The following RO60 variants were observed in gnomAD, a reference collection of about 807,000 sequenced individuals.
RO60 encodes the protein RNA-binding protein RO60.
A neutral mutation model predicts 55.3 loss-of-function variants in RO60; 20 were observed. The observed-to-expected ratio is 0.36, with a 90% CI of 0.25 to 0.53. The LOEUF (loss-of-function observed/expected upper bound fraction) is 0.53, where lower values mean the gene tolerates loss of function less well. Ranked by LOEUF, RO60 falls within the 20% of genes least tolerant of loss-of-function variation. The pLI, the probability that RO60 is intolerant of heterozygous loss-of-function variation, is 0.92. For missense variants in RO60, 558 were observed against 646.6 expected (o/e 0.86, Z 1.49); for synonymous variants, 213 against 213.6 (o/e 1.00, Z 0.02).
Position 193,085,031 on chromosome 1 carries a change from C to T in RO60, c.*300C>T. ...TGCTTTGTTGAATAATACGTGTGTA[C>T]CTAAAAGAGGTAAGAGCAAAAAGTG... On this transcript the variant is annotated 3_prime_UTR_variant, in exon 9 of 9. Transcript: ENST00000400968. 2.6e-6 allele frequency: 4 copies of T among 1,532,156 alleles called. No individual in the cohort carries two copies. Among genetic ancestry groups the T allele is most frequent in the Non-Finnish European group, 3.5e-6 (4 of 1,142,084 alleles). 94.9% of individuals were successfully genotyped at this position (1,532,156 alleles called of 1,614,324 possible). A position where few individuals can be genotyped will look rare whatever the true frequency, so the allele number is the denominator to read the frequency against.
rs1456098368 is a variant in RO60, at chr1:193,086,708, T to C, written c.*1977T>C. 6.6e-6 allele frequency: 1 copy of C among 152,126 alleles called. No homozygotes were observed. The highest frequency in any genetic ancestry group is 1.5e-5 in the Non-Finnish European group (1 of 67,992). 9.4% of individuals were successfully genotyped at this position (152,126 alleles called of 1,614,324 possible). On this transcript the variant is annotated 3_prime_UTR_variant, in exon 9 of 9. Transcript: ENST00000400968. The stretch of plus-strand genomic sequence containing the variant: ...CATAATACTTTTAGACAAATATATC[T>C]ATAAGTTAATATTAAATCCATCAAG...
intron 2 of RO60, among the ~76,000 whole-genome samples, chr1:193,074,443 A>G (rs926953803): frequency 3.9e-5 from 6 of 152,164 alleles, no homozygotes; most frequent in African/African-American, 1.2e-4. Context: ...CTGATGTGAG[A>G]TGGTATCTCA....
intron 2 of RO60, among the ~76,000 whole-genome samples, chr1:193,075,435 TTAATA>T (rs1014398928): frequency 8.0e-4 from 121 of 151,604 alleles, no homozygotes; most frequent in Middle Eastern, 3.4e-3. Context: ...GTGAATATAA[TTAATA>T]TAATATAATA....
chr1:193,062,594 G>A (rs1185376893), intron 1 of RO60, among the ~76,000 whole-genome samples: 3 of 152,070 alleles, frequency 2.0e-5, no homozygotes, highest in Non-Finnish European at 4.4e-5. Flanking sequence ...GTATATTCAC[G>A]GAGTTGTGCA....
chr1:193,080,639 G>A (rs952248869), intron 5 of RO60, among the ~76,000 whole-genome samples: 2 of 152,142 alleles, frequency 1.3e-5, no homozygotes, highest in Non-Finnish European at 2.9e-5. Flanking sequence ...TCAGCAGATG[G>A]ATAAGCAAAA....
In RO60 at chr1:193,085,648, T is replaced by C. The variant is rs1558256744; in HGVS notation, c.*917T>C. On this transcript the variant is annotated 3_prime_UTR_variant, in exon 9 of 9. Transcript: ENST00000400968. ...ATTAAAATCTCAACTATAACCAGTT[T>C]AGCTTTTTCCTTACTTTTAAAATAA... is the stretch of plus-strand genomic sequence containing the variant. The C allele has an allele frequency of 1.0e-6, 1 of 983,356 alleles. No homozygotes were observed. The highest frequency in any genetic ancestry group is 4.7e-5 in the South Asian group (1 of 21,250). 60.9% of individuals were successfully genotyped at this position (983,356 alleles called of 1,614,324 possible).
In RO60 at chr1:193,085,518, A is replaced by T. The variant is rs1326958138; in HGVS notation, c.*787A>T. The T allele has an allele frequency of 3.0e-6, 3 of 984,862 alleles. No homozygotes were observed. Among genetic ancestry groups the T allele is most frequent in the Non-Finnish European group, 3.6e-6 (3 of 829,826 alleles). The allele number at this position is 984,862 out of a possible 1,614,324, so 61.0% of individuals were successfully genotyped here. ...TTGATAATGATTTCCTCTGAATTAT[A>T]ATAACATAGCCAGATGTAGTCTCAC... On this transcript the variant is annotated 3_prime_UTR_variant, in exon 9 of 9. Coordinates refer to ENST00000400968, the MANE Select transcript of RO60 (RefSeq NM_001173524.2).
At chr1:193,069,885 G>A (rs1221971352) in intron 2 of RO60, among the ~76,000 whole-genome samples, 10 of 152,100 alleles carry the variant, frequency 6.6e-5, no homozygotes, top group South Asian at 2.1e-4. Flanking sequence ...AAATGCCACC[G>A]TCCTAACTGG....
chr1:193,075,669 T>G, intron 2 of RO60, 151 bp from the exon 3 acceptor site: 1 of 505,654 alleles, frequency 2.0e-6, no homozygotes, highest in Non-Finnish European at 3.5e-6. Flanking sequence ...ATTTGCTTAA[T>G]TGTTATATCA....
intron 1 of RO60, among the ~76,000 whole-genome samples, chr1:193,066,624 C>T (rs557666691): frequency 6.6e-6 from 1 of 152,206 alleles, no homozygotes; most frequent in Non-Finnish European, 1.5e-5. Flanking sequence ...CCTCCTTTTC[C>T]GTCTCTCTTT....
chr1:193,065,650 G>A (rs757054158), intron 1 of RO60, among the ~76,000 whole-genome samples: 3 of 125,158 alleles, frequency 2.4e-5, no homozygotes, highest in South Asian at 2.9e-4. Context: ...GTTTTGGATC[G>A]AAAGGTAGAG....
intron 1 of RO60, among the ~76,000 whole-genome samples, chr1:193,066,210 T>G (rs1399042079): frequency 6.6e-6 from 1 of 152,242 alleles, no homozygotes; most frequent in Admixed American, 6.5e-5. Flanking sequence ...AGAAATTCCT[T>G]CAGTTATCCC....
At chr1:193,081,507 A>T in intron 6 of RO60, 27 bp downstream of exon 6, 1 of 1,392,520 alleles carries the variant, frequency 7.2e-7, no homozygotes, top group Non-Finnish European at 1.0e-6. Flanking sequence ...CAATTTTGCC[A>T]TTCTAAAAAC....
intron 5 of RO60, among the ~76,000 whole-genome samples, chr1:193,078,833 C>T (rs1256453719): frequency 6.6e-6 from 1 of 150,776 alleles, no homozygotes; most frequent in Non-Finnish European, 1.5e-5. Flanking sequence ...CAGTCCCTTT[C>T]AAAATCCCAA....
At chr1:193,077,997 G>C (rs1674046878) in intron 5 of RO60, among the ~76,000 whole-genome samples, 1 of 152,094 alleles carries the variant, frequency 6.6e-6, no homozygotes, top group South Asian at 2.1e-4. Context: ...AAAACATCTT[G>C]CTATATAACA....
intron 2 of RO60, among the ~76,000 whole-genome samples, chr1:193,070,081 C>T (rs1253155593): frequency 6.6e-6 from 1 of 150,410 alleles, no homozygotes; most frequent in Admixed American, 6.7e-5. Flanking sequence ...TAACTGTACA[C>T]AGCTGTTCCT....
chr1:193,081,841 G>A (rs1674334967), intron 6 of RO60, among the ~76,000 whole-genome samples: 1 of 151,912 alleles, frequency 6.6e-6, no homozygotes, highest in African/African-American at 2.4e-5. Flanking sequence ...AAAAGATCTG[G>A]GAACTAATAG....
chr1:193,071,299 A>G (rs1210198304), intron 2 of RO60, among the ~76,000 whole-genome samples: 3 of 152,196 alleles, frequency 2.0e-5, no homozygotes, highest in South Asian at 2.1e-4. Flanking sequence ...CCCTTGCTGT[A>G]TATCAGATGT....
In RO60 at chr1:193,069,080, A is replaced by C; in HGVS notation, c.26A>C (p.Gln9Pro). The C allele has an allele frequency of 6.2e-7, 1 of 1,611,384 alleles. No individual in the cohort carries two copies. Residue 9 changes from glutamine to proline, a missense_variant, in exon 2 of 9, where the codon CAG becomes CCG. Gln to Pro is a moderately conservative substitution (Grantham distance 76). Transcript: ENST00000400968. MEESVNQMQPLNEKQIANS... is the reference protein window; with the variant it reads MEESVNQMPPLNEKQIANS... ...ATGGAGGAATCTGTAAACCAAATGC[A>C]GCCACTGAATGAGAAGCAGATAGCC...
Sources: allele counts gnomAD v4.1 joint callset (sites outside exome capture counted in the v4.1 genomes callset), GRCh38; gene constraint gnomAD v4.1.1; transcripts MANE v1.5; gene names NCBI Gene and HGNC (gene_info 2026-07-23, HGNC 2026-07-21).